Variants in FAM107B observed in about 807,000 individuals in gnomAD.
The protein encoded by FAM107B is family with sequence similarity 107 member B, also known as protein FAM107B.
In FAM107B, 21 loss-of-function variants were observed where a neutral mutation model predicts 31.5. That is an observed-to-expected ratio of 0.67 (90% CI 0.47 to 0.96). FAM107B has a LOEUF of 0.96. FAM107B is among the 40% of genes least tolerant of loss of function. The probability of loss-of-function intolerance (pLI) is 0.00; values close to 1 mark genes in which losing one functional copy is unlikely to be tolerated. For missense variants in FAM107B, 452 were observed against 377.1 expected, an observed-to-expected ratio of 1.20 and a Z score of -1.64; for synonymous variants, 157 against 141.5, an observed-to-expected ratio of 1.11 and a Z score of -0.78.
chr10:14,625,368 C>G (rs1189168521), intron 2 of FAM107B, among the ~76,000 whole-genome samples: 1 of 151,984 alleles, frequency 6.6e-6, no homozygotes, highest in Non-Finnish European at 1.5e-5. Context: ...GTTTCATCTT[C>G]TTTGACTCTC....
At chr10:14,591,995 G>C (rs750647551) in intron 2 of FAM107B, among the ~76,000 whole-genome samples, 1 of 152,174 alleles carries the variant, frequency 6.6e-6, no homozygotes, top group Non-Finnish European at 1.5e-5. Context: ...GCTTTAAAAG[G>C]CATAACCATC....
chr10:14,709,731 T>C (rs1855597650), intron 1 of FAM107B, among the ~76,000 whole-genome samples: 1 of 152,188 alleles, frequency 6.6e-6, no homozygotes, highest in Non-Finnish European at 1.5e-5. Context: ...AATGGGATAT[T>C]ATTCAGTGAT....
chr10:14,564,286 G>A (rs1011725119), intron 2 of FAM107B, among the ~76,000 whole-genome samples: 2 of 151,980 alleles, frequency 1.3e-5, no homozygotes, highest in African/African-American at 4.8e-5. Context: ...AGACTGCTCC[G>A]AGACGTTGAG....
intron 2 of FAM107B, chr10:14,572,520 C>T (rs955110157): frequency 2.0e-5 from 10 of 503,366 alleles, no homozygotes; most frequent in Non-Finnish European, 2.6e-5. Flanking sequence ...TCACAGCCCA[C>T]TTTATAAAAT....
At chr10:14,604,642 G>C (rs12781491) in intron 2 of FAM107B, among the ~76,000 whole-genome samples, 35,828 of 151,644 alleles carry the variant, frequency 0.24, 4,834 homozygotes, top group East Asian at 0.39. Context: ...AAAGCGCGGC[G>C]GCCCCGGATG....
chr10:14,591,406 C>T (rs1483707636), intron 2 of FAM107B, among the ~76,000 whole-genome samples: 1 of 152,192 alleles, frequency 6.6e-6, no homozygotes, highest in Non-Finnish European at 1.5e-5. Context: ...TAACAGGAGG[C>T]GCTCACAGTA....
intron 1 of FAM107B, among the ~76,000 whole-genome samples, chr10:14,771,083 C>G (rs936762014): frequency 2.0e-5 from 3 of 150,804 alleles, no homozygotes; most frequent in African/African-American, 7.3e-5. Context: ...TTCCGCCAGG[C>G]AAGATTGTAA....
chr10:14,767,093 G>C (rs1396869285), intron 1 of FAM107B, among the ~76,000 whole-genome samples: 14 of 110,992 alleles, frequency 1.3e-4, no homozygotes, highest in Non-Finnish European at 1.7e-4. Context: ...GAGAGAGAGA[G>C]AGAGAGACAG....
At chr10:14,589,182 A>G (rs1049259609) in intron 2 of FAM107B, among the ~76,000 whole-genome samples, 3 of 151,934 alleles carry the variant, frequency 2.0e-5, no homozygotes, top group African/African-American at 4.8e-5. Context: ...TCAAAAAAAA[A>G]AAAAGAAAAG....
intron 3 of FAM107B, among the ~76,000 whole-genome samples, chr10:14,523,867 CT>C (rs1169705257): frequency 0.019 from 2,617 of 138,536 alleles, 71 homozygotes; most frequent in African/African-American, 0.06. Context: ...TATATTCCAT[CT>C]TTTTTTTTTT....
intron 2 of FAM107B, among the ~76,000 whole-genome samples, chr10:14,598,407 A>G (rs1207037488): frequency 6.6e-6 from 1 of 152,210 alleles, no homozygotes; most frequent in Non-Finnish European, 1.5e-5. Context: ...CACAAGCACG[A>G]GCATGCATGA....
chr10:14,629,455 T>TAAC (rs1853286560), intron 2 of FAM107B, among the ~76,000 whole-genome samples: 1 of 58,612 alleles, frequency 1.7e-5, no homozygotes, highest in African/African-American at 7.1e-5. Context: ...ATTATATATA[T>TAAC]ATTATATATA....
At position 14,518,573 on chromosome 10, in the gene FAM107B, T is replaced by C. The variant is rs1179123167; in HGVS notation, c.*2617A>G. 6.5e-6 allele frequency: 1 copy of C among 152,686 alleles called. No individual in the cohort carries two copies. Among genetic ancestry groups the C allele is most frequent in the Admixed American group, 6.5e-5 (1 of 15,276 alleles). 9.5% of individuals were successfully genotyped at this position (152,686 alleles called of 1,614,324 possible). On this transcript the variant is annotated 3_prime_UTR_variant, in exon 5 of 5. Coordinates refer to ENST00000181796, the MANE Select transcript of FAM107B (RefSeq NM_031453.4). ...CAAACATGGTTGCATGGTCCAAGCA[T>C]GTGGTGATTTTTATTAAGAATAACT...
intron 1 of FAM107B, among the ~76,000 whole-genome samples, chr10:14,708,194 C>T (rs190194504): frequency 2.7e-4 from 41 of 152,296 alleles, no homozygotes; most frequent in Admixed American, 1.4e-3. Flanking sequence ...TCTCCTTTCT[C>T]AGCCTCCCTG....
chr10:14,557,496 C>T (rs1849803668), intron 2 of FAM107B, among the ~76,000 whole-genome samples: 1 of 152,168 alleles, frequency 6.6e-6, no homozygotes, highest in Non-Finnish European at 1.5e-5. Flanking sequence ...TACTAAGTAC[C>T]CAACCAGGTT....
chr10:14,521,092 T>C lies in FAM107B; in HGVS notation c.*98A>G. 1 of 938,340 alleles carries C rather than the reference T, an allele frequency of 1.1e-6. No individual in the cohort carries two copies. The highest frequency in any genetic ancestry group is 1.6e-5 in the South Asian group (1 of 63,796). 58.1% of individuals were successfully genotyped at this position (938,340 alleles called of 1,614,324 possible). ...CCTACTGCAAGTCAAAATTCTCTGC[T>C]GGCTGAAATATTCTCCAGGGGCTTT... On this transcript the variant is annotated 3_prime_UTR_variant, in exon 5 of 5. Transcript: ENST00000181796.
chr10:14,704,126 T>G (rs1588717044), intron 1 of FAM107B, among the ~76,000 whole-genome samples: 1 of 152,198 alleles, frequency 6.6e-6, no homozygotes, highest in Non-Finnish European at 1.5e-5. Context: ...TGACAGTACA[T>G]CCAGGTGGTC....
chr10:14,691,943 C>T lies in FAM107B; in HGVS notation c.412-24252G>A, dbSNP rs547958676. On this transcript the variant is annotated intron_variant, in intron 1 of 4. Transcript: ENST00000181796. ...TAGGAGTAGGCAGCATCTGGACTTG[C>T]ACCTGCATCTGGAGCGAAGACCCCA... Among the ~76,000 whole-genome samples, 8 of 151,098 alleles carry T rather than the reference C, an allele frequency of 5.3e-5. No homozygotes were observed. The East Asian group carries it at 1.6e-3, about 29-fold the overall frequency.
intron 1 of FAM107B, among the ~76,000 whole-genome samples, chr10:14,722,129 T>A (rs1005041390): frequency 2.6e-5 from 4 of 152,240 alleles, no homozygotes; most frequent in African/African-American, 7.2e-5. Context: ...CAAACATCAC[T>A]ACTAATTCCA....
Sources: allele counts gnomAD v4.1 joint callset (sites outside exome capture counted in the v4.1 genomes callset), GRCh38; gene constraint gnomAD v4.1.1; transcripts MANE v1.5; gene names NCBI Gene and HGNC (gene_info 2026-07-23, HGNC 2026-07-21).